The following CRB2 variants were observed in gnomAD, a reference collection of about 807,000 sequenced individuals.
CRB2 encodes the protein protein crumbs homolog 2.
A neutral mutation model predicts 110.9 loss-of-function variants in CRB2; 85 were observed. The observed-to-expected ratio is 0.77, with a 90% CI of 0.64 to 0.92. CRB2 has a LOEUF of 0.92. Among genes scored for constraint, CRB2 ranks in the 40% least tolerant of loss-of-function variants. The probability of loss-of-function intolerance (pLI) is 0.00; values close to 1 mark genes in which losing one functional copy is unlikely to be tolerated. For synonymous variants in CRB2, 907 were observed against 831.0 expected (o/e 1.09, Z -1.57); for missense variants, 1,843 against 1,851.3 (o/e 1.00, Z 0.08).
chr9:123,371,705 C>A (rs2042019343), intron 8 of CRB2, 127 bp downstream of exon 8: 1 of 1,307,436 alleles, frequency 7.6e-7, no homozygotes, highest in African/African-American at 1.4e-5. Context: ...GTGAAGTGAC[C>A]TGCCCAGGGT....
At chr9:123,374,010 T>C (rs1254264425) in intron 10 of CRB2, 90 bp downstream of exon 10, 1 of 1,467,880 alleles carries the variant, frequency 6.8e-7, no homozygotes, top group South Asian at 1.2e-5. Flanking sequence ...GATGAGTCGC[T>C]TCCCTTCCCT....
chr9:123,360,207 C>T (rs2041851687), intron 1 of CRB2, among the ~76,000 whole-genome samples: 3 of 152,202 alleles, frequency 2.0e-5, no homozygotes, highest in Admixed American at 2.0e-4. Flanking sequence ...ATGCACAGGC[C>T]CAAGCACATA....
At chr9:123,369,030 C>T (rs565348219) in intron 6 of CRB2, 16 of 1,018,304 alleles carry the variant, frequency 1.6e-5, no homozygotes, top group South Asian at 9.8e-5. Context: ...GTGAGCTGAT[C>T]GAGGCTGGGC....
chr9:123,376,169 G>A (rs1332156096), intron 12 of CRB2, among the ~76,000 whole-genome samples: 1 of 152,168 alleles, frequency 6.6e-6, no homozygotes, highest in African/African-American at 2.4e-5. Flanking sequence ...CAGGACCAGA[G>A]GAACTTTCCT....
In CRB2 at chr9:123,372,307, C is replaced by T. The variant is rs1267242561; in HGVS notation, c.2567C>T (p.Pro856Leu). Reference protein sequence around the residue: ...LWCPGQPCLPPATCEEVPDGF... With the variant: ...LWCPGQPCLPLATCEEVPDGF... Reference sequence around the variant, plus strand: ...TGTCCCGGCCAGCCCTGTCTCCCACCTGCCACGTGTGAGGAGGTCCCTGAT... The same window carrying T: ...TGTCCCGGCCAGCCCTGTCTCCCACTTGCCACGTGTGAGGAGGTCCCTGAT... Residue 856 changes from proline (P) to leucine (L), a missense_variant, in exon 9 of 13, where the codon CCT (proline) becomes CTT (leucine). Physicochemically the swap from Pro to Leu is moderately conservative, Grantham distance 98 (BLOSUM62 -3). Coordinates refer to ENST00000373631, the MANE Select transcript of CRB2 (RefSeq NM_173689.7). The T allele has an allele frequency of 6.2e-7, 1 of 1,609,276 alleles. No individual in the cohort carries two copies. Among genetic ancestry groups the T allele is most frequent in the Non-Finnish European group, 8.5e-7 (1 of 1,177,534 alleles).
At chr9:123,364,022 C>A (rs1253444063) in intron 2 of CRB2, among the ~76,000 whole-genome samples, 1 of 152,154 alleles carries the variant, frequency 6.6e-6, no homozygotes, top group Non-Finnish European at 1.5e-5. Flanking sequence ...ACTCTGAGGG[C>A]AGAGGGCAGT....
At chr9:123,380,091 T>C (rs2042199752), downstream of CRB2, 1 of 152,170 alleles carries the variant, frequency 6.6e-6, no homozygotes. Context: ...CTGGGTGACA[T>C]CTCCAGAGAC....
chr9:123,358,048 C>T (rs1321112491), intron 1 of CRB2, among the ~76,000 whole-genome samples: 1 of 152,224 alleles, frequency 6.6e-6, no homozygotes, highest in Non-Finnish European at 1.5e-5. Context: ...GCTGGGAGCG[C>T]CATCCCTGGG....
rs746383756 is a variant in CRB2 at position 123,372,096 on chromosome 9, C to A, written c.2437-81C>A. On this transcript the variant is annotated intron_variant, in intron 8 of 12. Transcript: ENST00000373631. The stretch of plus-strand genomic sequence containing the variant: ...TACTGTGTCTGTAGTAGGTGCTCAG[C>A]GAAGAAGCACTGCAATGCCAGTTAT... 5 of 1,401,616 alleles carry A rather than the reference C, an allele frequency of 3.6e-6. No individual in the cohort carries two copies. The African/African-American group carries it at 4.2e-5, about 12-fold the overall frequency. The allele number at this position is 1,401,616 out of a possible 1,614,324, so 86.8% of individuals were successfully genotyped here.
intron 1 of CRB2, among the ~76,000 whole-genome samples, chr9:123,356,964 G>GTC (rs1447391884): frequency 6.6e-6 from 1 of 152,066 alleles, no homozygotes; most frequent in African/African-American, 2.4e-5. Flanking sequence ...GATGTGCACA[G>GTC]CCGACCCCAA....
intron 10 of CRB2, 72 bp downstream of exon 10, chr9:123,373,992 G>C: frequency 1.3e-6 from 2 of 1,531,740 alleles, no homozygotes; most frequent in South Asian, 2.4e-5. Context: ...AAGTCTGCCA[G>C]GTCTGTGGAT....
rs1054754140 is a variant in CRB2, at chr9:123,367,049, C to A, written c.755-123C>A. On this transcript the variant is annotated intron_variant, in intron 4 of 12. Transcript: ENST00000373631. ...TCCTGCGGCCCTTAGTGTGTCCCTC[C>A]CTCGCCATTCGTGGCTTATTCCGAG... is the stretch of plus-strand genomic sequence containing the variant. The A allele has an allele frequency of 1.8e-4, 177 of 993,000 alleles. 2 individuals carry two copies. The East Asian group carries it at 4.6e-3, about 26-fold the overall frequency. 61.5% of individuals were successfully genotyped at this position (993,000 alleles called of 1,614,324 possible). A position where few individuals can be genotyped will look rare whatever the true frequency, so the allele number is the denominator to read the frequency against.
In CRB2 at chr9:123,370,239, C is replaced by T. The variant is rs1451388185; in HGVS notation, c.1186C>T (p.Gln396Ter). The T allele has an allele frequency of 1.9e-6, 3 of 1,613,142 alleles. No individual in the cohort carries two copies. The African/African-American group carries it at 4.0e-5, about 22-fold the overall frequency. ...ETWGGRDCSV[Q>*]LTGCQGHTCP... ...CTGGGGTGGGCGCGACTGTTCTGTGCAGCTCACTGGCTGCCAGGGCCACAC... is the reference window on the plus strand; with the variant it reads ...CTGGGGTGGGCGCGACTGTTCTGTGTAGCTCACTGGCTGCCAGGGCCACAC... Residue 396 changes from glutamine (Q) to a stop codon, truncating the protein, a stop_gained, in exon 7 of 13, where the codon CAG becomes TAG. Transcript: ENST00000373631. LOFTEE classifies it high-confidence loss of function.
intron 6 of CRB2, among the ~76,000 whole-genome samples, chr9:123,368,614 C>T (rs1022248741): frequency 8.5e-5 from 13 of 152,270 alleles, no homozygotes; most frequent in Admixed American, 3.9e-4. Context: ...CCACTATCAG[C>T]GGGAACCCGG....
rs768633459 is a variant in CRB2 at position 123,370,404 on chromosome 9, G to A, written c.1351G>A (p.Ala451Thr). Reference sequence around the variant, plus strand: ...TGTGATGGCTGGGAGCCCCATTCAGGCATCAGTGCCAGCTGGTGGCCCCCT... The same window carrying A: ...TGTGATGGCTGGGAGCCCCATTCAGACATCAGTGCCAGCTGGTGGCCCCCT... ...FSVMAGSPIQ[A>T]SVPAGGPLGL... The change falls in exon 7 of 13, where the codon GCA becomes ACA. Residue 451 changes from alanine to threonine, a missense_variant. Transcript: ENST00000373631. The A allele has an allele frequency of 4.1e-5, 66 of 1,613,538 alleles. No homozygotes were observed. The highest frequency in any genetic ancestry group is 4.9e-5 in the Non-Finnish European group (58 of 1,180,036).
In CRB2 at chr9:123,370,326, C is replaced by A. The variant is rs763947687; in HGVS notation, c.1273C>A (p.His425Asn). 6.2e-7 allele frequency: 1 copy of A among 1,613,662 alleles called. No homozygotes were observed. The highest frequency in any genetic ancestry group is 8.5e-7 in the Non-Finnish European group (1 of 1,180,030). Reference sequence around the variant, plus strand: ...GTCTGGGGTCCACAGTTACGTCTGCCACTGCCCACCTGGTACCCATGGACC... The same window carrying A: ...GTCTGGGGTCCACAGTTACGTCTGCAACTGCCCACCTGGTACCCATGGACC... ...FESGVHSYVC[H>N]CPPGTHGPFC... Residue 425 changes from histidine to asparagine, a missense_variant, in exon 7 of 13, where the codon CAC becomes AAC. Coordinates refer to ENST00000373631, the MANE Select transcript of CRB2 (RefSeq NM_173689.7).
chr9:123,362,585 C>T lies in CRB2; in HGVS notation c.95-280C>T, dbSNP rs375457786. On this transcript the variant is annotated intron_variant, in intron 1 of 12. Coordinates refer to ENST00000373631, the MANE Select transcript of CRB2 (RefSeq NM_173689.7). The stretch of plus-strand genomic sequence containing the variant: ...GGACAAGACAGTGGAGGGAAGCTCA[C>T]GGGGCTCAGGGAACCTCTGCTCACT... Among the ~76,000 whole-genome samples, 202 of 152,258 alleles carry T rather than the reference C, an allele frequency of 1.3e-3. 1 individual carries two copies. Among genetic ancestry groups the T allele is most frequent in the Admixed American group, 2.2e-3 (33 of 15,306 alleles).
downstream of CRB2, chr9:123,379,691 G>T (rs907602490): frequency 2.0e-5 from 3 of 152,282 alleles, no homozygotes; most frequent in Non-Finnish European, 2.9e-5. Flanking sequence ...TGCACACAAA[G>T]TTCATCCTTG....
upstream of CRB2, among the ~76,000 whole-genome samples, chr9:123,354,165 G>A (rs1222190070): frequency 6.6e-6 from 1 of 152,230 alleles, no homozygotes; most frequent in Non-Finnish European, 1.5e-5. Flanking sequence ...TGGGACTCCT[G>A]TACCCGGTGC....
Sources: allele counts gnomAD v4.1 joint callset (sites outside exome capture counted in the v4.1 genomes callset), GRCh38; gene constraint gnomAD v4.1.1; transcripts MANE v1.5; gene names NCBI Gene and HGNC (gene_info 2026-07-23, HGNC 2026-07-21).